RBFOX1: variants seen among roughly 807,000 people sequenced by gnomAD.
RBFOX1 encodes the protein RNA binding protein fox-1 homolog 1.
A neutral mutation model predicts 57.7 loss-of-function variants in RBFOX1; 8 were observed. The observed-to-expected ratio is 0.14, with a 90% CI of 0.08 to 0.25. RBFOX1 has a LOEUF of 0.25. RBFOX1 is among the 10% of genes least tolerant of loss of function. The probability of loss-of-function intolerance (pLI) is 1.00; values close to 1 mark genes in which losing one functional copy is unlikely to be tolerated. For synonymous variants in RBFOX1, 326 were observed against 222.4 expected (o/e 1.47, Z -4.15); for missense variants, 611 against 548.5 (o/e 1.11, Z -1.14).
chr16:5,906,039 G>C (rs1465953367), intron 4 of RBFOX1, among the ~76,000 whole-genome samples: 2 of 152,242 alleles, frequency 1.3e-5, no homozygotes, highest in Middle Eastern at 3.4e-3. Flanking sequence ...TGCTGCTTTG[G>C]CTGTGAGTGG....
intron 3 of RBFOX1, among the ~76,000 whole-genome samples, chr16:6,805,662 A>C (rs1174684961): frequency 6.7e-6 from 1 of 149,888 alleles, no homozygotes; most frequent in African/African-American, 2.5e-5. Context: ...GAAGTCTGTT[A>C]ATGAATGCTG....
At chr16:6,614,127 A>G (rs1300312274) in intron 2 of RBFOX1, among the ~76,000 whole-genome samples, 4 of 152,188 alleles carry the variant, frequency 2.6e-5, no homozygotes, top group Admixed American at 2.0e-4. Flanking sequence ...AATTCCCAAA[A>G]AATATTGAAT....
chr16:5,327,458 T>G (rs1443781415), intron 1 of RBFOX1, among the ~76,000 whole-genome samples: 1 of 152,218 alleles, frequency 6.6e-6, no homozygotes, highest in African/African-American at 2.4e-5. Flanking sequence ...CGTCTAAAAC[T>G]GGGTCCAATT....
rs561251318 is a variant in RBFOX1 at position 7,053,054 on chromosome 16, C to A, written c.27+956C>A. On this transcript the variant is annotated intron_variant, in intron 4 of 15. Coordinates refer to ENST00000550418, the MANE Select transcript of RBFOX1 (RefSeq NM_018723.4). The stretch of plus-strand genomic sequence containing the variant: ...AAATAAGCATAATGTATTTAACAGG[C>A]CTAATGCCTTCATACACTGCCCTGT... Among the ~76,000 whole-genome samples the A allele has an allele frequency of 1.2e-4, 19 of 152,284 alleles. No individual in the cohort carries two copies. In the South Asian group the frequency reaches 2.9e-3, roughly 23 times the overall value.
intron 4 of RBFOX1, among the ~76,000 whole-genome samples, chr16:7,167,795 G>A (rs2079869151): frequency 6.6e-6 from 1 of 152,126 alleles, no homozygotes; most frequent in Non-Finnish European, 1.5e-5. Flanking sequence ...CTCTGCAAGG[G>A]CAGAGTTGAA....
intron 4 of RBFOX1, among the ~76,000 whole-genome samples, chr16:7,169,655 G>A (rs537455854): frequency 6.6e-6 from 1 of 152,328 alleles, no homozygotes; most frequent in South Asian, 2.1e-4. Flanking sequence ...GTGAATGACA[G>A]AACCAAATTT....
intron 4 of RBFOX1, among the ~76,000 whole-genome samples, chr16:7,363,469 C>A (rs111408835): frequency 1.3e-5 from 2 of 151,106 alleles, no homozygotes; most frequent in African/African-American, 4.8e-5. Context: ...ATCCTTCCTC[C>A]GAGGTCACCC....
At chr16:7,034,883 C>G (rs2043925633) in intron 3 of RBFOX1, among the ~76,000 whole-genome samples, 1 of 26,238 alleles carries the variant, frequency 3.8e-5, no homozygotes, top group Non-Finnish European at 7.3e-5. Flanking sequence ...GAGTCCTGCT[C>G]TGTTGCCCAG....
intron 5 of RBFOX1, among the ~76,000 whole-genome samples, chr16:7,534,092 T>TTC (rs1471773817): frequency 2.0e-5 from 3 of 147,358 alleles, no homozygotes; most frequent in Non-Finnish European, 3.0e-5. Context: ...TTTTCTTTTT[T>TTC]TTTTTTTTTT....
At chr16:5,896,886 T>C (rs75313617) in intron 4 of RBFOX1, among the ~76,000 whole-genome samples, 10 of 152,264 alleles carry the variant, frequency 6.6e-5, no homozygotes, top group Non-Finnish European at 1.5e-4. Flanking sequence ...TCCCATTTTC[T>C]TCTGCTTTTG....
intron 2 of RBFOX1, among the ~76,000 whole-genome samples, chr16:6,636,002 C>T (rs2098428436): frequency 6.6e-6 from 1 of 152,180 alleles, no homozygotes; most frequent in African/African-American, 2.4e-5. Flanking sequence ...ACATCATACA[C>T]ATAACCTGAA....
chr16:5,815,996 C>T (rs1302204087), intron 3 of RBFOX1, among the ~76,000 whole-genome samples: 1 of 152,162 alleles, frequency 6.6e-6, no homozygotes, highest in African/African-American at 2.4e-5. Flanking sequence ...GGTATACAAC[C>T]CTTGGGATTT....
chr16:6,740,003 T>C (rs371501720), intron 3 of RBFOX1, among the ~76,000 whole-genome samples: 1 of 152,156 alleles, frequency 6.6e-6, no homozygotes, highest in African/African-American at 2.4e-5. Flanking sequence ...CTGATAAATA[T>C]AGAATTAACA....
At chr16:6,143,830 C>G (rs1299702837) in intron 1 of RBFOX1, among the ~76,000 whole-genome samples, 2 of 151,934 alleles carry the variant, frequency 1.3e-5, no homozygotes, top group African/African-American at 4.8e-5. Flanking sequence ...GGGTCTTGCT[C>G]TTTTGCCTAG....
chr16:7,668,412 G>C (rs2070163334), intron 13 of RBFOX1, among the ~76,000 whole-genome samples: 1 of 152,170 alleles, frequency 6.6e-6, no homozygotes, highest in African/African-American at 2.4e-5. Flanking sequence ...GAGTAGACTT[G>C]TTATGAAATG....
At chr16:6,487,685 AAAAAAAAAAAAAAAAATATATATAT>A (rs2095520588) in intron 2 of RBFOX1, among the ~76,000 whole-genome samples, 6 of 46,094 alleles carry the variant, frequency 1.3e-4, no homozygotes, top group African/African-American at 6.5e-4. Flanking sequence ...AAAAAAAAAA[AAAAAAAAAAAAAAAAATATATATAT>A]ATATATATAT....
At chr16:7,511,076 G>A (rs932714799) in intron 4 of RBFOX1, among the ~76,000 whole-genome samples, 1 of 152,216 alleles carries the variant, frequency 6.6e-6, no homozygotes, top group Admixed American at 6.5e-5. Flanking sequence ...TACCCACACA[G>A]GAAAATGCTT....
intron 4 of RBFOX1, among the ~76,000 whole-genome samples, chr16:5,974,505 G>A (rs573870213): frequency 6.6e-6 from 1 of 152,246 alleles, no homozygotes; most frequent in African/African-American, 2.4e-5. Flanking sequence ...AGCTACTCGG[G>A]AGGCTGAGGC....
intron 4 of RBFOX1, among the ~76,000 whole-genome samples, chr16:7,142,574 C>G (rs952263001): frequency 1.3e-5 from 2 of 152,134 alleles, no homozygotes; most frequent in Non-Finnish European, 2.9e-5. Context: ...GGCTGTGCCT[C>G]AATATTATTT....
Sources: gnomAD v4.1 joint callset for allele counts (sites outside exome capture counted in the v4.1 genomes callset) on GRCh38, gnomAD v4.1.1 for gene constraint, MANE v1.5 for transcripts, NCBI Gene and HGNC (gene_info 2026-07-23, HGNC 2026-07-21) for gene names.